The following EXOC4 variants were observed in gnomAD, a reference collection of about 807,000 sequenced individuals.
The protein encoded by EXOC4 is exocyst complex component 4, also known as SEC8-like 1.
EXOC4 carries 71 observed loss-of-function variants against 107.2 expected under a neutral mutation model. That is an observed-to-expected ratio of 0.66 (90% CI 0.55 to 0.81). The LOEUF (loss-of-function observed/expected upper bound fraction) is 0.81. EXOC4 is among the 30% of genes least tolerant of loss of function. EXOC4 has a pLI of 0.00. For missense variants in EXOC4, 1,108 were observed against 1,189.6 expected, an observed-to-expected ratio of 0.93 and a Z score of 1.01; for synonymous variants, 456 against 441.2, an observed-to-expected ratio of 1.03 and a Z score of -0.42.
intron 9 of EXOC4, among the ~76,000 whole-genome samples, chr7:133,582,690 T>C (rs1374136115): frequency 6.6e-6 from 1 of 152,070 alleles, no homozygotes; most frequent in Non-Finnish European, 1.5e-5. Flanking sequence ...TAAATATGAA[T>C]AATGATCATG....
chr7:133,882,456 A>G (rs1353749412), intron 11 of EXOC4, among the ~76,000 whole-genome samples: 5 of 152,250 alleles, frequency 3.3e-5, no homozygotes, highest in Admixed American at 3.3e-4. Flanking sequence ...GTTATGTTCC[A>G]GGTCCTGAGT....
intron 17 of EXOC4, among the ~76,000 whole-genome samples, chr7:134,057,171 A>AC (rs1795948972): frequency 6.6e-6 from 1 of 152,182 alleles, no homozygotes; most frequent in African/African-American, 2.4e-5. Flanking sequence ...TATAAAAAAC[A>AC]GGTAGGTAGA....
chr7:133,565,565 A>G (rs1298612908), intron 9 of EXOC4, among the ~76,000 whole-genome samples: 1 of 152,214 alleles, frequency 6.6e-6, no homozygotes, highest in Non-Finnish European at 1.5e-5. Flanking sequence ...GAGTTGCCAG[A>G]TAAAATACAG....
chr7:133,296,082 A>G (rs1794513219), intron 3 of EXOC4, among the ~76,000 whole-genome samples: 1 of 152,196 alleles, frequency 6.6e-6, no homozygotes, highest in South Asian at 2.1e-4. Context: ...GAGCAGCTTG[A>G]AAGACTGAGG....
chr7:133,332,447 G>A (rs1490428442), intron 5 of EXOC4, among the ~76,000 whole-genome samples: 1 of 152,054 alleles, frequency 6.6e-6, no homozygotes, highest in Non-Finnish European at 1.5e-5. Flanking sequence ...TGGCCAACAT[G>A]GTGACCAAAA....
chr7:134,029,360 C>A (rs1031707736), intron 17 of EXOC4, among the ~76,000 whole-genome samples: 3 of 152,090 alleles, frequency 2.0e-5, no homozygotes, highest in Admixed American at 6.5e-5. Flanking sequence ...TAATTTCATT[C>A]ATATGAAGGT....
intron 5 of EXOC4, among the ~76,000 whole-genome samples, chr7:133,329,291 A>T (rs533369245): frequency 2.6e-5 from 4 of 152,156 alleles, no homozygotes; most frequent in Non-Finnish European, 5.9e-5. Context: ...GCTCTTCTCT[A>T]TACTGGTTCT....
chr7:134,075,764 T>C, the EXOC4 span, among the ~76,000 whole-genome samples: 1 of 152,012 alleles, frequency 6.6e-6, no homozygotes, highest in Non-Finnish European at 1.5e-5. Context: ...AGTAGAAGGG[T>C]GTCACTTCCC....
At chr7:133,977,430 G>C (rs556282630) in intron 14 of EXOC4, among the ~76,000 whole-genome samples, 2 of 152,218 alleles carry the variant, frequency 1.3e-5, no homozygotes, top group African/African-American at 2.4e-5. Context: ...AAATAATGAA[G>C]AGAAAGGAGA....
At chr7:134,092,506 A>G in the EXOC4 span, among the ~76,000 whole-genome samples, 1 of 150,576 alleles carries the variant, frequency 6.6e-6, no homozygotes, top group Admixed American at 6.6e-5. Context: ...TAAGAATAAT[A>G]TCTACTCAGC....
At chr7:133,571,210 C>G (rs1038442242) in intron 9 of EXOC4, among the ~76,000 whole-genome samples, 1 of 152,138 alleles carries the variant, frequency 6.6e-6, no homozygotes, top group Non-Finnish European at 1.5e-5. Context: ...AACTGTGTTG[C>G]AATAAGCCCC....
At chr7:133,827,446 A>G (rs531235693) in intron 11 of EXOC4, among the ~76,000 whole-genome samples, 1 of 152,330 alleles carries the variant, frequency 6.6e-6, no homozygotes, top group East Asian at 1.9e-4. Context: ...CTGCAAAGCA[A>G]TGACAGAAAA....
intron 9 of EXOC4, chr7:133,601,987 C>G (rs1801818899): frequency 6.6e-6 from 1 of 152,388 alleles, no homozygotes. Context: ...CACCTGCCCA[C>G]CCAGCTGGTC....
intron 11 of EXOC4, among the ~76,000 whole-genome samples, chr7:133,883,526 T>C (rs1372751633): frequency 1.3e-5 from 2 of 150,866 alleles, no homozygotes; most frequent in Admixed American, 6.6e-5. Context: ...GCCTGTAGTC[T>C]CAGCTACTGG....
At chr7:133,498,304 G>T (rs149201109) in intron 9 of EXOC4, among the ~76,000 whole-genome samples, 2 of 151,744 alleles carry the variant, frequency 1.3e-5, no homozygotes, top group Non-Finnish European at 2.9e-5. Flanking sequence ...TGTCCCTTGC[G>T]GCTGGGCACG....
At chr7:133,823,617 G>C (rs2151224467) in intron 11 of EXOC4, among the ~76,000 whole-genome samples, 1 of 150,832 alleles carries the variant, frequency 6.6e-6, no homozygotes, top group African/African-American at 2.4e-5. Context: ...CAGTTCAAGA[G>C]CAGCCTGGCC....
At chr7:133,801,216 A>AT (rs1167132573) in intron 10 of EXOC4, among the ~76,000 whole-genome samples, 5 of 152,058 alleles carry the variant, frequency 3.3e-5, no homozygotes, top group African/African-American at 1.2e-4. Context: ...CTTTTAATTC[A>AT]TTTTCTCTCA....
chr7:133,877,404 G>T, intron 11 of EXOC4, among the ~76,000 whole-genome samples: 1 of 151,978 alleles, frequency 6.6e-6, no homozygotes, highest in East Asian at 1.9e-4. Flanking sequence ...TTTAAATATT[G>T]TTGAACTTTG....
intron 9 of EXOC4, among the ~76,000 whole-genome samples, chr7:133,542,861 A>C (rs1800407625): frequency 6.6e-6 from 1 of 152,162 alleles, no homozygotes; most frequent in Non-Finnish European, 1.5e-5. Flanking sequence ...CTATGTATTC[A>C]GAAAAATTTT....
Sources: allele counts gnomAD v4.1 joint callset (sites outside exome capture counted in the v4.1 genomes callset), GRCh38; gene constraint gnomAD v4.1.1; transcripts MANE v1.5; gene names NCBI Gene and HGNC (gene_info 2026-07-23, HGNC 2026-07-21).